Variants in DIP2C observed in about 807,000 individuals in gnomAD.
The protein encoded by DIP2C is disco-interacting protein 2 homolog C.
In DIP2C, 33 loss-of-function variants were observed where a neutral mutation model predicts 192.4. That is an observed-to-expected ratio of 0.17 (90% confidence interval 0.13 to 0.23). The LOEUF (loss-of-function observed/expected upper bound fraction) is 0.23. Ranked by LOEUF, DIP2C falls within the 10% of genes least tolerant of loss-of-function variation. The pLI is 1.00. For synonymous variants in DIP2C, 979 were observed against 864.1 expected, an observed-to-expected ratio of 1.13 and a Z score of -2.33; for missense variants, 1,537 against 2,110.1, an observed-to-expected ratio of 0.73 and a Z score of 5.32.
At chr10:300,005 A>G (rs1226490912) in intron 32 of DIP2C, among the ~76,000 whole-genome samples, 6 of 152,354 alleles carry the variant, frequency 3.9e-5, no homozygotes, top group East Asian at 1.9e-4. Flanking sequence ...AAAAAAATAG[A>G]AAACACCTAC....
chr10:505,007 G>A (rs1457905405), intron 1 of DIP2C, among the ~76,000 whole-genome samples: 2 of 152,010 alleles, frequency 1.3e-5, no homozygotes, highest in African/African-American at 4.8e-5. Context: ...CAGCAAAACC[G>A]CCGTGAACCC....
chr10:303,207 G>A (rs932066622), intron 32 of DIP2C, among the ~76,000 whole-genome samples: 3 of 151,658 alleles, frequency 2.0e-5, no homozygotes, highest in Non-Finnish European at 2.9e-5. Context: ...ATCCACGTGC[G>A]GCTGTAGACT....
At chr10:423,085 A>C (rs1392381489) in intron 4 of DIP2C, 52 bp from the exon 5 acceptor site, 1 of 1,494,786 alleles carries the variant, frequency 6.7e-7, no homozygotes, top group Admixed American at 2.0e-5. Flanking sequence ...AACGTGCACC[A>C]CAATCTCAGT....
Position 590,210 on chromosome 10 carries a change from A to C in DIP2C, c.85+99284T>G, listed in dbSNP as rs575348285. 3.9e-5 allele frequency among the ~76,000 whole-genome samples: 6 copies of C among 152,348 alleles called. No homozygotes were observed. In the East Asian group the frequency reaches 1.2e-3, roughly 29 times the overall value. On this transcript the variant is annotated intron_variant, in intron 1 of 36. Transcript: ENST00000280886. The stretch of plus-strand genomic sequence containing the variant: ...TGCGTCCATGAACGACGAGGCTCGA[A>C]TGTCAGGCCAGGGGCAACCAAGGTA...
intron 1 of DIP2C, among the ~76,000 whole-genome samples, chr10:487,815 G>C (rs1844136900): frequency 6.6e-6 from 1 of 152,046 alleles, no homozygotes; most frequent in Admixed American, 6.6e-5. Context: ...CTGACCTCAT[G>C]ATCTGCCACT....
chr10:371,547 G>A (rs1405287573), intron 17 of DIP2C, among the ~76,000 whole-genome samples: 2 of 152,212 alleles, frequency 1.3e-5, no homozygotes, highest in African/African-American at 4.8e-5. Context: ...ACGTGACGAT[G>A]GAGGCAGAGA....
intron 31 of DIP2C, chr10:311,476 C>T (rs1047551102): frequency 3.3e-5 from 40 of 1,217,732 alleles, no homozygotes; most frequent in African/African-American, 7.8e-5. Flanking sequence ...CGGCTGGATG[C>T]GGGCAAGGCA....
chr10:676,903 T>C (rs1056456969), intron 1 of DIP2C, among the ~76,000 whole-genome samples: 12 of 152,116 alleles, frequency 7.9e-5, no homozygotes, highest in Non-Finnish European at 1.8e-4. Context: ...TTACAACTTA[T>C]TGTATATTTT....
At chr10:646,463 T>C (rs188734800) in intron 1 of DIP2C, among the ~76,000 whole-genome samples, 1 of 152,280 alleles carries the variant, frequency 6.6e-6, no homozygotes, top group African/African-American at 2.4e-5. Flanking sequence ...AGGGGACGGG[T>C]GGCGACCGCA....
At chr10:508,867 A>T (rs1283177218) in intron 1 of DIP2C, among the ~76,000 whole-genome samples, 2 of 152,160 alleles carry the variant, frequency 1.3e-5, no homozygotes, top group African/African-American at 4.8e-5. Flanking sequence ...ATCACTCGAA[A>T]ACACGGCTGT....
chr10:315,737 CA>C (rs1483423004), intron 31 of DIP2C, among the ~76,000 whole-genome samples: 1 of 152,214 alleles, frequency 6.6e-6, no homozygotes, highest in African/African-American at 2.4e-5. Flanking sequence ...CACTCCTGGC[CA>C]TAGGTCTTCA....
At chr10:578,724 G>A (rs1164683100) in intron 1 of DIP2C, among the ~76,000 whole-genome samples, 6 of 152,010 alleles carry the variant, frequency 3.9e-5, no homozygotes, top group African/African-American at 7.3e-5. Context: ...TATGTACATA[G>A]GTACAGTGTA....
At chr10:341,015 C>A in intron 29 of DIP2C, 184 bp downstream of exon 29, 1 of 810,828 alleles carries the variant, frequency 1.2e-6, no homozygotes, top group East Asian at 2.5e-5. Context: ...AAAGTCACCC[C>A]AGGTGCTGCT....
chr10:412,992 T>G (rs969336284), intron 8 of DIP2C, among the ~76,000 whole-genome samples: 3 of 152,210 alleles, frequency 2.0e-5, no homozygotes, highest in Non-Finnish European at 2.9e-5. Flanking sequence ...TTCTAACTGA[T>G]TAATTTTTTA....
chr10:444,541 G>A (rs536895875), intron 3 of DIP2C, among the ~76,000 whole-genome samples: 7 of 151,410 alleles, frequency 4.6e-5, no homozygotes, highest in African/African-American at 1.5e-4. Context: ...CGTCACCCGA[G>A]ACTTGTGTAG....
At chr10:385,398 T>C (rs1231584488) in intron 14 of DIP2C, among the ~76,000 whole-genome samples, 1 of 152,202 alleles carries the variant, frequency 6.6e-6, no homozygotes, top group Admixed American at 6.5e-5. Flanking sequence ...AATTAAGTAA[T>C]TTAAGTCCAA....
intron 10 of DIP2C, among the ~76,000 whole-genome samples, chr10:396,377 T>C (rs561440206): frequency 1.1e-4 from 17 of 152,300 alleles, no homozygotes; most frequent in African/African-American, 3.6e-4. Flanking sequence ...ATCATTTTCC[T>C]CTACAAACCA....
At chr10:620,586 C>T (rs1853793890) in intron 1 of DIP2C, among the ~76,000 whole-genome samples, 1 of 152,202 alleles carries the variant, frequency 6.6e-6, no homozygotes, top group Non-Finnish European at 1.5e-5. Flanking sequence ...AACCACTAAC[C>T]ACAGCTTCTC....
chr10:679,700 C>T (rs1386231035), intron 1 of DIP2C, among the ~76,000 whole-genome samples: 1 of 151,194 alleles, frequency 6.6e-6, no homozygotes, highest in African/African-American at 2.4e-5. Flanking sequence ...ATCTGTGCTC[C>T]CCATGCCCAT....
Sources: gnomAD v4.1 joint callset for allele counts (sites outside exome capture counted in the v4.1 genomes callset) on GRCh38, gnomAD v4.1.1 for gene constraint, MANE v1.5 for transcripts, NCBI Gene and HGNC (gene_info 2026-07-23, HGNC 2026-07-21) for gene names.